MTA3: variants seen among roughly 807,000 people sequenced by gnomAD.
The protein encoded by MTA3 is metastasis-associated protein MTA3.
In MTA3, 34 loss-of-function variants were observed where a neutral mutation model predicts 83.5. That is an observed-to-expected ratio of 0.41 (90% CI 0.31 to 0.54). MTA3 has a LOEUF of 0.54. Ranked by LOEUF, MTA3 falls within the 20% of genes least tolerant of loss-of-function variation. The pLI, the probability that MTA3 is intolerant of heterozygous loss-of-function variation, is 0.33. For missense variants in MTA3, 761 were observed against 726.4 expected, an observed-to-expected ratio of 1.05 and a Z score of -0.55; for synonymous variants, 303 against 252.7, an observed-to-expected ratio of 1.20 and a Z score of -1.89.
chr2:42,660,199 G>A (rs371382744), intron 8 of MTA3, among the ~76,000 whole-genome samples: 1 of 151,586 alleles, frequency 6.6e-6, no homozygotes, highest in East Asian at 1.9e-4. Context: ...AGTGATTCTC[G>A]TGCCTCAGCC....
At chr2:42,653,659 C>G (rs531024803) in intron 6 of MTA3, among the ~76,000 whole-genome samples, 1 of 152,240 alleles carries the variant, frequency 6.6e-6, no homozygotes, top group South Asian at 2.1e-4. Context: ...TAAATGCTTT[C>G]AAGAGTGTTT....
upstream of MTA3, chr2:42,568,476 C>T (rs938984274): frequency 7.0e-6 from 1 of 143,792 alleles, no homozygotes; most frequent in East Asian, 2.4e-4. Flanking sequence ...TTCCCGCTGG[C>T]CCCGCAGCGC....
chr2:42,751,111 G>C (rs932747420), intron 16 of MTA3, among the ~76,000 whole-genome samples: 15 of 152,140 alleles, frequency 9.9e-5, no homozygotes, highest in Non-Finnish European at 1.8e-4. Context: ...TTTTCAGAAG[G>C]AAAGGAAACT....
At chr2:42,515,796 A>G (rs1170486053) in intron 2 of MTA3, among the ~76,000 whole-genome samples, 2 of 150,014 alleles carry the variant, frequency 1.3e-5, no homozygotes, top group African/African-American at 2.4e-5. Flanking sequence ...CACCGTGCCC[A>G]GTCGTTTCAG....
chr2:42,514,371 G>A (rs1675039785), intron 2 of MTA3, among the ~76,000 whole-genome samples: 1 of 152,176 alleles, frequency 6.6e-6, no homozygotes, highest in African/African-American at 2.4e-5. Flanking sequence ...TTCTTTTTGT[G>A]TGTATGTGGT....
At chr2:42,580,870 T>C (rs1248246378) in intron 3 of MTA3, among the ~76,000 whole-genome samples, 1 of 152,180 alleles carries the variant, frequency 6.6e-6, no homozygotes, top group Non-Finnish European at 1.5e-5. Context: ...ATTACAGGTG[T>C]GAACCACCCC....
chr2:42,687,977 G>A (rs913626093), intron 9 of MTA3, among the ~76,000 whole-genome samples: 1 of 152,186 alleles, frequency 6.6e-6, no homozygotes, highest in Non-Finnish European at 1.5e-5. Flanking sequence ...AAAGGCAGTC[G>A]CTACTGACAA....
chr2:42,721,654 GT>G (rs1423247948), intron 15 of MTA3, among the ~76,000 whole-genome samples: 1 of 152,124 alleles, frequency 6.6e-6, no homozygotes, highest in African/African-American at 2.4e-5. Flanking sequence ...TCTAATGAGC[GT>G]TAGGGCAGCC....
At chr2:42,538,041 G>T (rs1286825126) in intron 2 of MTA3, among the ~76,000 whole-genome samples, 1 of 151,800 alleles carries the variant, frequency 6.6e-6, no homozygotes, top group Non-Finnish European at 1.5e-5. Context: ...GACCATCCTG[G>T]CTAACACGGT....
chr2:42,599,455 G>GT (rs762916709), intron 3 of MTA3, among the ~76,000 whole-genome samples: 46 of 152,090 alleles, frequency 3.0e-4, no homozygotes, highest in Non-Finnish European at 4.7e-4. Flanking sequence ...AATTAGCCGG[G>GT]TGTGGTGGCG....
chr2:42,507,671 G>A (rs545276166), intron 2 of MTA3, among the ~76,000 whole-genome samples: 1 of 151,102 alleles, frequency 6.6e-6, no homozygotes, highest in East Asian at 2.0e-4. Flanking sequence ...GCTCACACCT[G>A]TAATCCCAAC....
Position 42,644,220 on chromosome 2 carries a change from G to T in MTA3, c.475G>T (p.Asp159Tyr), listed in dbSNP as rs1296696967. 2 of 1,611,408 alleles carry T rather than the reference G, an allele frequency of 1.2e-6. No individual in the cohort carries two copies. The highest frequency in any genetic ancestry group is 1.7e-6 in the Non-Finnish European group (2 of 1,178,894). ...EIRVGPRYQADIPEMLLEGES... is the reference protein window; with the variant it reads ...EIRVGPRYQAYIPEMLLEGES... Reference sequence around the variant, plus strand: ...CAGAGTGGGACCTAGATATCAAGCAGACATTCCAGAAATGCTGTTAGAAGG... The same window carrying T: ...CAGAGTGGGACCTAGATATCAAGCATACATTCCAGAAATGCTGTTAGAAGG... Residue 159 changes from aspartate (D) to tyrosine (Y), a missense_variant, in exon 6 of 17, where the codon GAC becomes TAC. Transcript: ENST00000405094.
At chr2:42,565,081 G>T (rs1677850323), upstream of MTA3, among the ~76,000 whole-genome samples, 1 of 151,484 alleles carries the variant, frequency 6.6e-6, no homozygotes, top group Non-Finnish European at 1.5e-5. Flanking sequence ...CAGCCAACCG[G>T]CACCAATCTC....
intron 16 of MTA3, among the ~76,000 whole-genome samples, chr2:42,724,817 G>A (rs1005574112): frequency 6.6e-6 from 1 of 152,154 alleles, no homozygotes; most frequent in African/African-American, 2.4e-5. Context: ...TATTTAAAAT[G>A]TCACCTTGTA....
chr2:42,497,394 G>T (rs1444237590), intron 2 of MTA3, among the ~76,000 whole-genome samples: 3 of 151,982 alleles, frequency 2.0e-5, no homozygotes, highest in Non-Finnish European at 4.4e-5. Flanking sequence ...AGAGCAGCCT[G>T]GCCAAGATGG....
chr2:42,749,457 T>C (rs546747100), intron 16 of MTA3, among the ~76,000 whole-genome samples: 251 of 152,298 alleles, frequency 1.6e-3, no homozygotes, highest in Non-Finnish European at 2.9e-3. Context: ...AGTTGTTCTT[T>C]TTTAAAAAAA....
chr2:42,729,676 G>T (rs1007516121), intron 16 of MTA3, among the ~76,000 whole-genome samples: 3 of 152,152 alleles, frequency 2.0e-5, no homozygotes. Context: ...CCAGTACCAT[G>T]CTGTTTTGCT....
intron 9 of MTA3, 135 bp downstream of exon 9, chr2:42,682,724 T>C (rs1692036426): frequency 2.5e-6 from 2 of 798,658 alleles, no homozygotes; most frequent in South Asian, 3.6e-5. Flanking sequence ...AAAATGAAGG[T>C]TAGTCTTGTA....
chr2:42,691,226 G>A (rs1181858781), intron 9 of MTA3, among the ~76,000 whole-genome samples: 1 of 151,924 alleles, frequency 6.6e-6, no homozygotes, highest in Non-Finnish European at 1.5e-5. Context: ...TGGCCAGGAT[G>A]GGCTCAATCT....
Sources: allele counts gnomAD v4.1 joint callset (sites outside exome capture counted in the v4.1 genomes callset), GRCh38; gene constraint gnomAD v4.1.1; transcripts MANE v1.5; gene names NCBI Gene and HGNC (gene_info 2026-07-23, HGNC 2026-07-21).